Variants in BSPRY observed in about 807,000 individuals in gnomAD.
The protein encoded by BSPRY is B-box and SPRY domain containing.
BSPRY carries 33 observed loss-of-function variants against 38.0 expected under a neutral mutation model. The ratio of observed to expected loss-of-function variants is 0.87; its 90% CI spans 0.66 to 1.16. The LOEUF (loss-of-function observed/expected upper bound fraction) is 1.16, where lower values mean the gene tolerates loss of function less well. Ranked by LOEUF, BSPRY falls within the 50% of genes most tolerant of loss-of-function variation. BSPRY has a pLI of 0.00. For synonymous variants in BSPRY, 224 were observed against 228.5 expected (o/e 0.98, Z 0.18); for missense variants, 523 against 533.2 (o/e 0.98, Z 0.19).
At chr9:113,353,609 A>G (rs1003261389) in intron 1 of BSPRY, among the ~76,000 whole-genome samples, 8 of 152,270 alleles carry the variant, frequency 5.3e-5, no homozygotes, top group African/African-American at 1.7e-4. Flanking sequence ...AGGCTGAAGC[A>G]GGAGAATCGC....
intron 3 of BSPRY, among the ~76,000 whole-genome samples, chr9:113,361,126 A>T (rs1834146671): frequency 6.6e-6 from 1 of 151,756 alleles, no homozygotes; most frequent in Non-Finnish European, 1.5e-5. Context: ...CCTTACCCCC[A>T]ATGTTTCCTC....
At chr9:113,360,265 T>C (rs1226040992) in intron 2 of BSPRY, among the ~76,000 whole-genome samples, 1 of 152,232 alleles carries the variant, frequency 6.6e-6, no homozygotes, top group Non-Finnish European at 1.5e-5. Flanking sequence ...TATGTGATCA[T>C]GGCTCCCTGA....
chr9:113,351,284 C>T (rs1011180350), intron 1 of BSPRY, among the ~76,000 whole-genome samples: 3 of 152,168 alleles, frequency 2.0e-5, no homozygotes, highest in African/African-American at 7.2e-5. Flanking sequence ...GGGTCTTACC[C>T]TCTCTTCCAC....
chr9:113,363,827 G>GCACC (rs1834196265), intron 4 of BSPRY, among the ~76,000 whole-genome samples: 1 of 140,580 alleles, frequency 7.1e-6, no homozygotes, highest in African/African-American at 2.6e-5. Flanking sequence ...GCAGTGAGCT[G>GCACC]AGATGCGCCA....
Position 113,371,101 on chromosome 9 carries a change from C to A in BSPRY, c.*959C>A, listed in dbSNP as rs903102279. The A allele has an allele frequency of 8.5e-5, 13 of 152,268 alleles. No individual in the cohort carries two copies. The highest frequency in any genetic ancestry group is 2.9e-4 in the African/African-American group (12 of 41,462). 9.4% of individuals were successfully genotyped at this position (152,268 alleles called of 1,614,324 possible). On this transcript the variant is annotated 3_prime_UTR_variant, in exon 6 of 6. Coordinates refer to ENST00000374183, the MANE Select transcript of BSPRY (RefSeq NM_017688.3). ...TTAGAGCAGCTGATAAGTTTCCCTACCTGATGGCCCCCTCTGACATAAACT... is the reference window on the plus strand; with the variant it reads ...TTAGAGCAGCTGATAAGTTTCCCTAACTGATGGCCCCCTCTGACATAAACT...
intron 2 of BSPRY, among the ~76,000 whole-genome samples, chr9:113,355,617 CT>C (rs34714277): frequency 0.3 from 42,159 of 141,630 alleles, 7,304 homozygotes; most frequent in African/African-American, 0.52. Context: ...CAAATCCTGG[CT>C]TTTTTTTTTT....
At position 113,359,048 on chromosome 9, in the gene BSPRY, GA is replaced by G. The variant is rs55988289; in HGVS notation, c.301-1449del. On this transcript the variant is annotated intron_variant, in intron 2 of 5. Coordinates refer to ENST00000374183, the MANE Select transcript of BSPRY (RefSeq NM_017688.3). ...GTCTCTTAAAGAAAAGAAAAGAAAA[GA>G]AAAAAAAAAGATAAAGAAGAGCAAT... Among the ~76,000 whole-genome samples the G allele has an allele frequency of 1.7e-4, 15 of 86,608 alleles. No individual in the cohort carries two copies. The East Asian group carries it at 3.1e-3, about 18-fold the overall frequency. The allele number at this position is 86,608 out of a possible 152,430, so 56.8% of individuals were successfully genotyped here.
chr9:113,363,117 A>G (rs184971649), intron 4 of BSPRY, among the ~76,000 whole-genome samples: 1 of 152,152 alleles, frequency 6.6e-6, no homozygotes, highest in East Asian at 1.9e-4. Flanking sequence ...TGCATGAGAG[A>G]AAAAAAATCC....
intron 4 of BSPRY, among the ~76,000 whole-genome samples, chr9:113,365,733 A>AAG (rs750918178): frequency 0.049 from 6,782 of 137,572 alleles, 247 homozygotes; most frequent in South Asian, 0.1. Context: ...GAGAAAGAGA[A>AAG]AGAGAGAGAG....
rs1046108108 is a variant in BSPRY at position 113,369,520 on chromosome 9, C to A, written c.683-96C>A. 6.8e-6 allele frequency: 9 copies of A among 1,314,664 alleles called. No individual in the cohort carries two copies. In the Admixed American group the frequency reaches 1.4e-4, roughly 20 times the overall value. 81.4% of individuals were successfully genotyped at this position (1,314,664 alleles called of 1,614,324 possible). Reference sequence around the variant, plus strand: ...AGAGTAAATGGCTTATATGAGGTCACCATGCTAGTGAGTGGTGAGGAACCT... The same window carrying A: ...AGAGTAAATGGCTTATATGAGGTCAACATGCTAGTGAGTGGTGAGGAACCT... On this transcript the variant is annotated intron_variant, in intron 5 of 5. Transcript: ENST00000374183.
At chr9:113,363,060 G>A (rs1271147337) in intron 4 of BSPRY, among the ~76,000 whole-genome samples, 1 of 151,952 alleles carries the variant, frequency 6.6e-6, no homozygotes, top group Non-Finnish European at 1.5e-5. Flanking sequence ...TATTTCAATG[G>A]GTATAAATTA....
rs760839056 is a variant in BSPRY, at chr9:113,360,784, A to C, written c.531+47A>C. 2.5e-5 allele frequency: 36 copies of C among 1,424,044 alleles called. No homozygotes were observed. The South Asian group carries it at 4.1e-4, about 16-fold the overall frequency. The allele number at this position is 1,424,044 out of a possible 1,614,324, so 88.2% of individuals were successfully genotyped here. A position where few individuals can be genotyped will look rare whatever the true frequency, so the allele number is the denominator to read the frequency against. The stretch of plus-strand genomic sequence containing the variant: ...GCATGACCAGTTGGCCAGGCTCCCC[A>C]AAAGCCTGAAAATATCGAGAATGTT... On this transcript the variant is annotated intron_variant, in intron 3 of 5. Coordinates refer to ENST00000374183, the MANE Select transcript of BSPRY (RefSeq NM_017688.3).
chr9:113,358,234 C>T (rs948136377), intron 2 of BSPRY, among the ~76,000 whole-genome samples: 4 of 150,704 alleles, frequency 2.7e-5, no homozygotes, highest in African/African-American at 9.7e-5. Flanking sequence ...GGTGACAGAG[C>T]GAGACCCTGT....
At chr9:113,360,411 C>A in intron 2 of BSPRY, 96 bp from the exon 3 acceptor site, 1 of 1,167,796 alleles carries the variant, frequency 8.6e-7, no homozygotes, top group Non-Finnish European at 1.2e-6. Flanking sequence ...CATTGCTAAT[C>A]AATCTCAACA....
At chr9:113,351,197 C>T (rs750336809) in intron 1 of BSPRY, among the ~76,000 whole-genome samples, 9 of 152,072 alleles carry the variant, frequency 5.9e-5, no homozygotes, top group East Asian at 1.9e-4. Context: ...GTGCTAGTTT[C>T]GGTACTACCC....
rs146735568 is a variant in BSPRY, at chr9:113,371,017, C to G, written c.*875C>G. 2,358 of 152,358 alleles carry G rather than the reference C, an allele frequency of 0.015. 28 individuals are homozygous for G. Among genetic ancestry groups the G allele is most frequent in the Admixed American group, 0.022 (336 of 15,298 alleles). 9.4% of individuals were successfully genotyped at this position (152,358 alleles called of 1,614,324 possible). A position where few individuals can be genotyped will look rare whatever the true frequency, so the allele number is the denominator to read the frequency against. On this transcript the variant is annotated 3_prime_UTR_variant, in exon 6 of 6. Transcript: ENST00000374183. ...ATGTCTCCAGGTAACCCGACTGTAG[C>G]CCCTGCTGGCTGAGCTCCAGCCTGT... is the stretch of plus-strand genomic sequence containing the variant.
intron 4 of BSPRY, among the ~76,000 whole-genome samples, chr9:113,363,221 T>G (rs10981768): frequency 0.39 from 59,241 of 151,486 alleles, 13,352 homozygotes; most frequent in African/African-American, 0.62. Flanking sequence ...CAAGGCAGGA[T>G]GGTAGCTTGA....
chr9:113,364,049 G>A lies in BSPRY; in HGVS notation c.557+1655G>A, dbSNP rs149491974. Among the ~76,000 whole-genome samples the A allele has an allele frequency of 2.0e-5, 3 of 151,890 alleles. No homozygotes were observed. The East Asian group carries it at 5.8e-4, about 29-fold the overall frequency. On this transcript the variant is annotated intron_variant, in intron 4 of 5. Coordinates refer to ENST00000374183, the MANE Select transcript of BSPRY (RefSeq NM_017688.3). Reference sequence around the variant, plus strand: ...AAAAATACAAAAATTAGCTAGGTGCGGTAGCGTACCCCTGTAATCTCAGTT... The same window carrying A: ...AAAAATACAAAAATTAGCTAGGTGCAGTAGCGTACCCCTGTAATCTCAGTT...
At chr9:113,362,498 T>C (rs1020472474) in intron 4 of BSPRY, 104 bp downstream of exon 4, 2 of 1,276,788 alleles carry the variant, frequency 1.6e-6, no homozygotes, top group Non-Finnish European at 2.3e-6. Flanking sequence ...ATGCACAGGG[T>C]GTGCAGCTGA....
Sources: gnomAD v4.1 joint callset for allele counts (sites outside exome capture counted in the v4.1 genomes callset) on GRCh38, gnomAD v4.1.1 for gene constraint, MANE v1.5 for transcripts, NCBI Gene and HGNC (gene_info 2026-07-23, HGNC 2026-07-21) for gene names.